The following NSUN6 variants were observed in gnomAD, a reference collection of about 807,000 sequenced individuals.
NSUN6 encodes tRNA (cytosine(72)-C(5))-methyltransferase NSUN6.
NSUN6 carries 64 observed loss-of-function variants against 58.0 expected under a neutral mutation model. The observed-to-expected ratio is 1.10, with a 90% CI of 0.90 to 1.36. NSUN6 has a LOEUF of 1.36. Ranked by LOEUF, NSUN6 falls within the 40% of genes most tolerant of loss-of-function variation. The pLI is 0.00. For synonymous variants in NSUN6, 231 were observed against 193.9 expected (o/e 1.19, Z -1.59); for missense variants, 701 against 550.1 (o/e 1.27, Z -2.74).
chr10:18,573,848 C>T (rs1020478756), intron 8 of NSUN6, among the ~76,000 whole-genome samples: 1 of 152,110 alleles, frequency 6.6e-6, no homozygotes, highest in African/African-American at 2.4e-5. Flanking sequence ...TCAAACTAAA[C>T]AAGAACTCGG....
At chr10:18,581,350 C>T (rs1019467683) in intron 8 of NSUN6, among the ~76,000 whole-genome samples, 3 of 152,112 alleles carry the variant, frequency 2.0e-5, no homozygotes, top group African/African-American at 7.2e-5. Flanking sequence ...CCAGCTAAAA[C>T]CCACCAAAAC....
At chr10:18,563,435 G>C (rs774669764) in intron 8 of NSUN6, among the ~76,000 whole-genome samples, 2 of 151,064 alleles carry the variant, frequency 1.3e-5, no homozygotes, top group Non-Finnish European at 3.0e-5. Flanking sequence ...TGGCAGGAAT[G>C]GAATGGAGAA....
intron 8 of NSUN6, among the ~76,000 whole-genome samples, chr10:18,570,021 TCATTCCATTCTATTCCATTCTC>T (rs976291695): frequency 1.4e-5 from 2 of 138,332 alleles, no homozygotes; most frequent in African/African-American, 5.4e-5. Flanking sequence ...ATTCCACTAT[TCATTCCATTCTATTCCATTCTC>T]CATTCCATTC....
intron 6 of NSUN6, among the ~76,000 whole-genome samples, chr10:18,605,053 T>G (rs1040581893): frequency 2.6e-5 from 4 of 151,510 alleles, no homozygotes; most frequent in African/African-American, 9.7e-5. Flanking sequence ...GCCCAGCTAA[T>G]TTTTTGTATT....
At chr10:18,627,912 C>A (rs2058879593) in intron 3 of NSUN6, among the ~76,000 whole-genome samples, 1 of 152,366 alleles carries the variant, frequency 6.6e-6, no homozygotes, top group Middle Eastern at 3.4e-3. Context: ...CACCACAGCT[C>A]AAGGAGGCCT....
rs146498386 is a variant in NSUN6 at position 18,638,142 on chromosome 10, A to G, written c.311+4334T>C. On this transcript the variant is annotated intron_variant, in intron 3 of 10. Coordinates refer to ENST00000377304, the MANE Select transcript of NSUN6 (RefSeq NM_182543.5). ...GAATAAAGAAGAGGTGTTTAACATA[A>G]TAAGAAATGGCAAAAGTTGGCCAGG... 3.7e-3 allele frequency among the ~76,000 whole-genome samples: 571 copies of G among 152,310 alleles called. 7 individuals carry two copies. Among genetic ancestry groups the G allele is most frequent in the African/African-American group, 0.013 (545 of 41,582 alleles).
rs1589796576 is a variant in NSUN6 at position 18,545,779 on chromosome 10, G to C, written c.*154C>G. On this transcript the variant is annotated 3_prime_UTR_variant, in exon 11 of 11. Transcript: ENST00000377304. ...TCATACCACCCCCTACTTCCTCTAT[G>C]TCTCTGGATCCCTGGTAAAACAGCT... 1.6e-6 allele frequency: 1 copy of C among 606,894 alleles called. No individual in the cohort carries two copies. The highest frequency in any genetic ancestry group is 2.0e-5 in the African/African-American group (1 of 51,088). 37.6% of individuals were successfully genotyped at this position (606,894 alleles called of 1,614,324 possible).
chr10:18,584,145 T>G (rs2057024638), intron 8 of NSUN6, among the ~76,000 whole-genome samples: 1 of 151,872 alleles, frequency 6.6e-6, no homozygotes, highest in Non-Finnish European at 1.5e-5. Context: ...TTGTGGGGAG[T>G]AGGGGGCACT....
rs753555938 is a variant in NSUN6, at chr10:18,546,096, T to C, written c.1247A>G (p.Glu416Gly). 6.2e-7 allele frequency: 1 copy of C among 1,613,046 alleles called. No individual in the cohort carries two copies. Among genetic ancestry groups the C allele is most frequent in the Non-Finnish European group, 8.5e-7 (1 of 1,179,574 alleles). ...EGMRGAGLSC[E>G]QLKQLQRFDP... ...AAATCGCTGCAGCTGTTTCAACTGT[T>C]CACATGAGAGCCCAGCTCCCCTCAT... Residue 416 changes from glutamate to glycine, a missense_variant, in exon 11 of 11, where the codon GAA (glutamate) becomes GGA (glycine). Transcript: ENST00000377304.
intron 8 of NSUN6, among the ~76,000 whole-genome samples, chr10:18,556,312 G>GGAGAATGGAATGGAACA (rs139597390): frequency 6.7e-6 from 1 of 149,826 alleles, no homozygotes; most frequent in Admixed American, 6.7e-5. Flanking sequence ...GGAATGCAAT[G>GGAGAATGGAATGGAACA]GAGAATGGAA....
chr10:18,609,570 G>T (rs887391702), intron 6 of NSUN6, among the ~76,000 whole-genome samples: 1 of 152,104 alleles, frequency 6.6e-6, no homozygotes, highest in Non-Finnish European at 1.5e-5. Context: ...AATATTCAGG[G>T]ATTAGTATTT....
At chr10:18,651,033 T>G in intron 1 of NSUN6, 96 bp downstream of exon 1, 1 of 1,450,472 alleles carries the variant, frequency 6.9e-7, no homozygotes, top group Non-Finnish European at 9.3e-7. Flanking sequence ...GAACGACGGC[T>G]GTCAAGATTT....
upstream of NSUN6, chr10:18,651,735 C>T: frequency 1.0e-6 from 1 of 985,618 alleles, no homozygotes; most frequent in Non-Finnish European, 1.2e-6. Flanking sequence ...ACGCCACGCC[C>T]CCGGAGGTTC....
upstream of NSUN6, chr10:18,651,659 G>A (rs1349139256): frequency 5.1e-6 from 5 of 985,876 alleles, no homozygotes; most frequent in Non-Finnish European, 6.0e-6. Context: ...CGGCGCCTGC[G>A]GCCCACCCCT....
chr10:18,549,683 A>G (rs933440123), intron 9 of NSUN6, among the ~76,000 whole-genome samples: 9 of 152,236 alleles, frequency 5.9e-5, no homozygotes, highest in Non-Finnish European at 1.3e-4. Context: ...TCAGGAGATA[A>G]GGTATTGTGC....
intron 3 of NSUN6, among the ~76,000 whole-genome samples, chr10:18,629,925 C>T (rs1205430474): frequency 6.6e-6 from 1 of 150,550 alleles, no homozygotes; most frequent in Admixed American, 6.6e-5. Context: ...CTACAGAACT[C>T]TCCACCCCAA....
intron 3 of NSUN6, among the ~76,000 whole-genome samples, chr10:18,623,013 G>C (rs2058666731): frequency 6.6e-6 from 1 of 152,166 alleles, no homozygotes; most frequent in Admixed American, 6.5e-5. Flanking sequence ...ATCAAGACAA[G>C]TCTGGCATTC....
intron 2 of NSUN6, among the ~76,000 whole-genome samples, chr10:18,644,559 G>A (rs560056705): frequency 3.3e-5 from 5 of 151,416 alleles, no homozygotes; most frequent in South Asian, 4.2e-4. Flanking sequence ...AATGTTGGCC[G>A]GGCGCAGTGG....
chr10:18,553,446 A>T (rs2054748539), intron 8 of NSUN6, among the ~76,000 whole-genome samples: 2 of 151,158 alleles, frequency 1.3e-5, no homozygotes, highest in Admixed American at 1.3e-4. Context: ...TGGAATGCGA[A>T]ATGGAATGGA....
Sources: gnomAD v4.1 joint callset for allele counts (sites outside exome capture counted in the v4.1 genomes callset) on GRCh38, gnomAD v4.1.1 for gene constraint, MANE v1.5 for transcripts, NCBI Gene and HGNC (gene_info 2026-07-23, HGNC 2026-07-21) for gene names.